SORBS2: variants seen among roughly 807,000 people sequenced by gnomAD.
SORBS2 encodes sorbin and SH3 domain containing 2.
In SORBS2, 46 loss-of-function variants were observed where a neutral mutation model predicts 97.7. The ratio of observed to expected loss-of-function variants is 0.47; its 90% CI spans 0.37 to 0.60. The LOEUF is 0.60. SORBS2 is among the 20% of genes least tolerant of loss of function. The pLI, the probability that SORBS2 is intolerant of heterozygous loss-of-function variation, is 0.00. For synonymous variants in SORBS2, 476 were observed against 473.4 expected (o/e 1.01, Z -0.07); for missense variants, 1,316 against 1,282.3 (o/e 1.03, Z -0.40).
chr4:185,641,748 GTTTCT>G lies in SORBS2; in HGVS notation c.396+4915_396+4919del, dbSNP rs1366956050. 2.1e-5 allele frequency among the ~76,000 whole-genome samples: 3 copies of G among 143,532 alleles called. No homozygotes were observed. The East Asian group carries it at 6.1e-4, about 29-fold the overall frequency. The allele number at this position is 143,532 out of a possible 152,430, so 94.2% of individuals were successfully genotyped here. On this transcript the variant is annotated intron_variant, in intron 4 of 14. Transcript: ENST00000418609. The stretch of plus-strand genomic sequence containing the variant: ...GCCTTGGTGTGATTTTTTTGTTGTT[GTTTCT>G]TTTCATTAAAAAAAAAAAAAAACCC...
intron 1 of SORBS2, among the ~76,000 whole-genome samples, chr4:185,843,231 A>T (rs559209266): frequency 4.3e-4 from 65 of 152,322 alleles, no homozygotes; most frequent in Non-Finnish European, 5.3e-4. Context: ...GGGTCACAAA[A>T]GTCTAGGTAG....
At chr4:185,722,777 C>G (rs892919565) in intron 2 of SORBS2, among the ~76,000 whole-genome samples, 1 of 152,172 alleles carries the variant, frequency 6.6e-6, no homozygotes, top group Non-Finnish European at 1.5e-5. Context: ...TACTAACCAG[C>G]AGCATGAGCT....
At chr4:185,754,869 G>A (rs1466837431) in intron 2 of SORBS2, among the ~76,000 whole-genome samples, 1 of 152,190 alleles carries the variant, frequency 6.6e-6, no homozygotes, top group Non-Finnish European at 1.5e-5. Context: ...GACCTGGAAG[G>A]GCAATACATC....
At chr4:185,878,361 C>T (rs2099234853) in intron 1 of SORBS2, among the ~76,000 whole-genome samples, 1 of 152,110 alleles carries the variant, frequency 6.6e-6, no homozygotes, top group African/African-American at 2.4e-5. Flanking sequence ...TATTTAAAGA[C>T]CTAAAAGCAA....
chr4:185,668,276 T>C (rs908868353), intron 4 of SORBS2, among the ~76,000 whole-genome samples: 1 of 152,218 alleles, frequency 6.6e-6, no homozygotes, highest in African/African-American at 2.4e-5. Context: ...CTGGGGATGG[T>C]CCTTACCCAT....
intron 1 of SORBS2, among the ~76,000 whole-genome samples, chr4:185,782,057 A>G (rs2099033848): frequency 6.6e-6 from 1 of 152,226 alleles, no homozygotes; most frequent in Non-Finnish European, 1.5e-5. Context: ...CCTGGCCCTA[A>G]GTAGGGGCCA....
intron 1 of SORBS2, among the ~76,000 whole-genome samples, chr4:185,821,082 G>A (rs1444494026): frequency 6.6e-6 from 1 of 152,210 alleles, no homozygotes; most frequent in East Asian, 1.9e-4. Context: ...TGAACGTGAG[G>A]GAACAAATAG....
intron 1 of SORBS2, among the ~76,000 whole-genome samples, chr4:185,873,101 T>C (rs1456411017): frequency 1.3e-5 from 2 of 152,218 alleles, no homozygotes; most frequent in East Asian, 3.8e-4. Flanking sequence ...AAAATGAATG[T>C]TACACAAAAA....
intron 1 of SORBS2, among the ~76,000 whole-genome samples, chr4:185,776,319 G>A (rs781036696): frequency 2.6e-5 from 4 of 152,118 alleles, no homozygotes; most frequent in Non-Finnish European, 4.4e-5. Context: ...CATGGCAGCT[G>A]AAGACTGAGA....
chr4:185,685,397 T>G (rs535190697), intron 2 of SORBS2, among the ~76,000 whole-genome samples: 22 of 152,222 alleles, frequency 1.4e-4, no homozygotes, highest in Non-Finnish European at 2.6e-4. Context: ...GAGGAACACA[T>G]GGCATCATGG....
chr4:185,790,278 C>T (rs995385639), intron 1 of SORBS2, among the ~76,000 whole-genome samples: 3 of 152,158 alleles, frequency 2.0e-5, no homozygotes, highest in Non-Finnish European at 4.4e-5. Flanking sequence ...GAGTAGCTAG[C>T]ATTGGGGTAA....
intron 2 of SORBS2, chr4:185,761,464 A>G (rs946231176): frequency 6.6e-6 from 1 of 152,272 alleles, no homozygotes; most frequent in African/African-American, 2.4e-5. Context: ...AGGCCATCAC[A>G]TAAATTCACC....
intron 1 of SORBS2, among the ~76,000 whole-genome samples, chr4:185,786,971 G>T (rs1159860192): frequency 9.6e-6 from 1 of 104,268 alleles, no homozygotes; most frequent in African/African-American, 4.1e-5. Flanking sequence ...TTTTTTTGAG[G>T]CTCTGTCTCA....
At chr4:185,935,149 C>A (rs558458198) in intron 1 of SORBS2, among the ~76,000 whole-genome samples, 67 of 152,168 alleles carry the variant, frequency 4.4e-4, no homozygotes, top group Non-Finnish European at 4.0e-4. Flanking sequence ...ACCCACAAAC[C>A]AATAGGCAAT....
chr4:185,767,776 T>A (rs942986551), intron 2 of SORBS2, among the ~76,000 whole-genome samples: 1 of 152,274 alleles, frequency 6.6e-6, no homozygotes, highest in South Asian at 2.1e-4. Flanking sequence ...TGTAACAGGG[T>A]CTGTCCAGCG....
chr4:185,847,783 T>A (rs776886337), intron 1 of SORBS2, among the ~76,000 whole-genome samples: 1 of 152,204 alleles, frequency 6.6e-6, no homozygotes, highest in African/African-American at 2.4e-5. Flanking sequence ...GAAGAAGCAC[T>A]GGGCTCACAT....
chr4:185,636,150 C>T (rs192013056), intron 4 of SORBS2, among the ~76,000 whole-genome samples: 52 of 152,236 alleles, frequency 3.4e-4, no homozygotes, highest in Middle Eastern at 3.4e-3. Flanking sequence ...TGAGTCACCA[C>T]GCCTGGCCGT....
chr4:185,877,883 AAAAG>A (rs2099234530), intron 1 of SORBS2, among the ~76,000 whole-genome samples: 3 of 145,180 alleles, frequency 2.1e-5, no homozygotes, highest in East Asian at 1.9e-4. Context: ...ACAAAAAAAA[AAAAG>A]AAAGAAAGAA....
At chr4:185,593,183 G>C (rs1181147572) in intron 13 of SORBS2, 2 of 152,372 alleles carry the variant, frequency 1.3e-5, no homozygotes, top group African/African-American at 2.4e-5. Flanking sequence ...TCTCACTCTC[G>C]ACTCACAGTG....
Sources: allele counts gnomAD v4.1 joint callset (sites outside exome capture counted in the v4.1 genomes callset), GRCh38; gene constraint gnomAD v4.1.1; transcripts MANE v1.5; gene names NCBI Gene and HGNC (gene_info 2026-07-23, HGNC 2026-07-21).